The following VAPA variants were observed in gnomAD, a reference collection of about 807,000 sequenced individuals.
VAPA encodes the protein VAMP associated protein A, also known as vesicle-associated membrane protein-associated protein A.
VAPA carries 6 observed loss-of-function variants against 25.6 expected under a neutral mutation model. The observed-to-expected ratio is 0.23, with a 90% CI of 0.13 to 0.46. VAPA has a LOEUF of 0.46. VAPA is among the 20% of genes least tolerant of loss of function. The pLI is 0.99. For synonymous variants in VAPA, 112 were observed against 106.2 expected (o/e 1.05, Z -0.34); for missense variants, 244 against 302.1 (o/e 0.81, Z 1.43).
intron 1 of VAPA, among the ~76,000 whole-genome samples, chr18:9,918,016 A>G (rs530752499): frequency 6.6e-6 from 1 of 150,796 alleles, no homozygotes; most frequent in South Asian, 2.1e-4. Context: ...TTTTTTTTTC[A>G]GTAAGACATA....
In VAPA at chr18:9,954,361, TACG is replaced by T. The variant is rs1567904531; in HGVS notation, c.*151_*153del. 1 of 669,994 alleles carries T rather than the reference TACG, an allele frequency of 1.5e-6. No individual in the cohort carries two copies. The highest frequency in any genetic ancestry group is 1.8e-5 in the African/African-American group (1 of 54,982). The allele number at this position is 669,994 out of a possible 1,614,324, so 41.5% of individuals were successfully genotyped here. ...ATAGGCTTTGCCTTTAATGATCTCT[TACG>T]GTTAGAAAACACAATAAAAACAAAC... On this transcript the variant is annotated 3_prime_UTR_variant, in exon 6 of 6. Coordinates refer to ENST00000400000, the MANE Select transcript of VAPA (RefSeq NM_194434.3).
chr18:9,935,894 A>G (rs955002268), intron 2 of VAPA, among the ~76,000 whole-genome samples: 8 of 152,218 alleles, frequency 5.3e-5, no homozygotes, highest in Admixed American at 1.3e-4. Context: ...CTTGGGATCC[A>G]TTAAGTTGAT....
chr18:9,952,062 A>G (rs962927862), intron 5 of VAPA, among the ~76,000 whole-genome samples: 4 of 152,164 alleles, frequency 2.6e-5, no homozygotes, highest in Non-Finnish European at 5.9e-5. Context: ...AGGGTGCTCA[A>G]TAGATTTCTT....
At chr18:9,931,486 GTT>G (rs993481466) in intron 1 of VAPA, among the ~76,000 whole-genome samples, 6 of 152,162 alleles carry the variant, frequency 3.9e-5, no homozygotes, top group African/African-American at 1.4e-4. Flanking sequence ...GGGAAATTCT[GTT>G]ATTTTCAGCA....
rs2069397013 is a variant in VAPA at position 9,944,141 on chromosome 18, G to A, written c.418-6254G>A. ...TGGGATTACAAGCGTGAGCCACCGC[G>A]CCTGACCTTGAAGGTGACATATTTT... On this transcript the variant is annotated intron_variant, in intron 4 of 5. Coordinates refer to ENST00000400000, the MANE Select transcript of VAPA (RefSeq NM_194434.3). Among the ~76,000 whole-genome samples, 4 of 151,828 alleles carry A rather than the reference G, an allele frequency of 2.6e-5. No individual in the cohort carries two copies. In the South Asian group the frequency reaches 8.4e-4, roughly 32 times the overall value.
At chr18:9,930,844 A>G (rs909260434) in intron 1 of VAPA, among the ~76,000 whole-genome samples, 1 of 151,958 alleles carries the variant, frequency 6.6e-6, no homozygotes, top group African/African-American at 2.4e-5. Context: ...TTATTAGAAA[A>G]TATTTTACTA....
At chr18:9,916,462 T>G (rs1413539876) in intron 1 of VAPA, among the ~76,000 whole-genome samples, 1 of 152,094 alleles carries the variant, frequency 6.6e-6, no homozygotes, top group Non-Finnish European at 1.5e-5. Context: ...TCAGGGGAGG[T>G]TTAGGCCAAG....
intron 1 of VAPA, among the ~76,000 whole-genome samples, chr18:9,920,908 C>T (rs1469686798): frequency 2.0e-5 from 3 of 152,206 alleles, no homozygotes; most frequent in East Asian, 1.9e-4. Flanking sequence ...TCAAGAATCA[C>T]TTCCTCTTGA....
chr18:9,928,574 T>A lies in VAPA; in HGVS notation c.80-3236T>A, dbSNP rs562067021. On this transcript the variant is annotated intron_variant, in intron 1 of 5. Transcript: ENST00000400000. ...GCAGATTATTGGTTTAATTCAGGGGTTCTTAACTCTAACTTCATAACTCAT... is the reference window on the plus strand; with the variant it reads ...GCAGATTATTGGTTTAATTCAGGGGATCTTAACTCTAACTTCATAACTCAT... Among the ~76,000 whole-genome samples, 4 of 152,274 alleles carry A rather than the reference T, an allele frequency of 2.6e-5. No homozygotes were observed. The South Asian group carries it at 8.3e-4, about 32-fold the overall frequency.
chr18:9,920,256 C>T (rs1179547164), intron 1 of VAPA, among the ~76,000 whole-genome samples: 1 of 152,082 alleles, frequency 6.6e-6, no homozygotes, highest in Non-Finnish European at 1.5e-5. Flanking sequence ...TACTTCAGGT[C>T]CTTTTATATT....
At position 9,956,795 on chromosome 18, in the gene VAPA, A is replaced by G. The variant is rs1220526839; in HGVS notation, c.*2584A>G. On this transcript the variant is annotated 3_prime_UTR_variant, in exon 6 of 6. Transcript: ENST00000400000. ...ACTTGTATATGTAAGCATGAGGGAAATACACTGTTGCTAATACTGAAATTA... is the reference window on the plus strand; with the variant it reads ...ACTTGTATATGTAAGCATGAGGGAAGTACACTGTTGCTAATACTGAAATTA... 4 of 152,322 alleles carry G rather than the reference A, an allele frequency of 2.6e-5. No homozygotes were observed. The South Asian group carries it at 6.2e-4, about 24-fold the overall frequency. The allele number at this position is 152,322 out of a possible 1,614,324, so 9.4% of individuals were successfully genotyped here. A position where few individuals can be genotyped will look rare whatever the true frequency, so the allele number is the denominator to read the frequency against.
chr18:9,928,632 A>G (rs1241807076), intron 1 of VAPA, among the ~76,000 whole-genome samples: 1 of 152,182 alleles, frequency 6.6e-6, no homozygotes, highest in African/African-American at 2.4e-5. Flanking sequence ...GCTATCCTGA[A>G]ATGAAATGCA....
chr18:9,921,251 A>G (rs1244632207), intron 1 of VAPA, among the ~76,000 whole-genome samples: 1 of 152,130 alleles, frequency 6.6e-6, no homozygotes, highest in Non-Finnish European at 1.5e-5. Context: ...AAAATTTTGT[A>G]CTTCCAGAAA....
chr18:9,940,753 CATT>C (rs1327129811), intron 4 of VAPA, among the ~76,000 whole-genome samples: 2 of 152,066 alleles, frequency 1.3e-5, no homozygotes, highest in East Asian at 1.9e-4. Flanking sequence ...CTGGCCTCGT[CATT>C]ATGATTTTTG....
intron 4 of VAPA, chr18:9,945,081 A>G: frequency 6.2e-7 from 1 of 1,610,684 alleles, no homozygotes; most frequent in Non-Finnish European, 8.5e-7. Flanking sequence ...GAGTTAACAG[A>G]CTTAGGAGTC....
intron 4 of VAPA, chr18:9,947,724 A>G (rs1346419029): frequency 1.3e-5 from 2 of 152,112 alleles, no homozygotes; most frequent in Non-Finnish European, 2.9e-5. Flanking sequence ...GTTTGAAGCA[A>G]CTCTCAAGAA....
chr18:9,937,542 A>C (rs2069323909), intron 4 of VAPA, among the ~76,000 whole-genome samples: 1 of 152,122 alleles, frequency 6.6e-6, no homozygotes, highest in South Asian at 2.1e-4. Context: ...TTTAGTAAAT[A>C]ATTATTATGT....
chr18:9,932,484 G>C (rs995188926), intron 2 of VAPA, among the ~76,000 whole-genome samples: 1 of 152,124 alleles, frequency 6.6e-6, no homozygotes, highest in Non-Finnish European at 1.5e-5. Context: ...GTGTTTACTT[G>C]TCAAAGAAGT....
intron 1 of VAPA, among the ~76,000 whole-genome samples, chr18:9,929,634 G>T (rs951704406): frequency 6.6e-6 from 1 of 152,104 alleles, no homozygotes; most frequent in Admixed American, 6.5e-5. Context: ...ATTTCTTTCC[G>T]TGACTTTTTT....
Sources: gnomAD v4.1 joint callset for allele counts (sites outside exome capture counted in the v4.1 genomes callset) on GRCh38, gnomAD v4.1.1 for gene constraint, MANE v1.5 for transcripts, NCBI Gene and HGNC (gene_info 2026-07-23, HGNC 2026-07-21) for gene names.